Variants in ZNF410 observed in about 807,000 individuals in gnomAD.
ZNF410 encodes another partner for ARF 1.
ZNF410 carries 18 observed loss-of-function variants against 54.8 expected under a neutral mutation model. The ratio of observed to expected loss-of-function variants is 0.33; its 90% confidence interval spans 0.23 to 0.49. ZNF410 has a LOEUF of 0.49. Among genes scored for constraint, ZNF410 ranks in the 20% least tolerant of loss-of-function variants. The pLI, the probability that ZNF410 is intolerant of heterozygous loss-of-function variation, is 0.99. For synonymous variants in ZNF410, 191 were observed against 207.3 expected (o/e 0.92, Z 0.68); for missense variants, 405 against 569.6 (o/e 0.71, Z 2.94).
At chr14:73,924,703 G>C in intron 11 of ZNF410, 1 of 445,598 alleles carries the variant, frequency 2.2e-6, no homozygotes, top group Non-Finnish European at 4.5e-6. Context: ...TTGAGACAGA[G>C]TCTCGCTCCG....
intron 8 of ZNF410, among the ~76,000 whole-genome samples, chr14:73,911,633 AT>A (rs774198325): frequency 3.3e-5 from 5 of 151,762 alleles, no homozygotes; most frequent in Non-Finnish European, 5.9e-5. Context: ...AAGTAGAGAA[AT>A]TTTTTTTTAT....
At chr14:73,893,996 A>T in intron 3 of ZNF410, 64 bp downstream of exon 3, 1 of 1,536,992 alleles carries the variant, frequency 6.5e-7, no homozygotes, top group South Asian at 1.3e-5. Flanking sequence ...ACTCTATGTT[A>T]CTGGTGGAAT....
chr14:73,930,803 G>A (rs1487559197), intron 11 of ZNF410, among the ~76,000 whole-genome samples: 4 of 152,062 alleles, frequency 2.6e-5, no homozygotes, highest in Non-Finnish European at 5.9e-5. Flanking sequence ...GCCTCACTGT[G>A]TTGCCCAAGT....
intron 8 of ZNF410, among the ~76,000 whole-genome samples, chr14:73,912,169 C>CTTT (rs34162465): frequency 7.8e-6 from 1 of 128,580 alleles, no homozygotes; most frequent in Non-Finnish European, 1.6e-5. Context: ...CTTTCACTTT[C>CTTT]TTTTTTTTTT....
chr14:73,921,350 A>G (rs1239910424), intron 9 of ZNF410: 5 of 389,610 alleles, frequency 1.3e-5, no homozygotes. Flanking sequence ...GATAAATGAG[A>G]TAATTTGCAA....
intron 7 of ZNF410, chr14:73,906,319 TA>T (rs1458253040): frequency 6.6e-6 from 1 of 151,210 alleles, no homozygotes; most frequent in Non-Finnish European, 1.5e-5. Context: ...TTTTTTTTTT[TA>T]ATTAGTCAAA....
intron 1 of ZNF410, among the ~76,000 whole-genome samples, chr14:73,889,534 T>C (rs947364668): frequency 4.6e-5 from 7 of 151,456 alleles, no homozygotes; most frequent in Non-Finnish European, 2.9e-5. Flanking sequence ...CCTAGAGAGA[T>C]GTAATCACTA....
chr14:73,887,109 C>T (rs2055152714), intron 1 of ZNF410, 194 bp downstream of exon 1: 1 of 152,870 alleles, frequency 6.5e-6, no homozygotes, highest in African/African-American at 2.4e-5. Context: ...GGCCCTTCCC[C>T]TCGCGGGTTT....
At chr14:73,888,787 G>A (rs933001428) in intron 1 of ZNF410, among the ~76,000 whole-genome samples, 3 of 152,146 alleles carry the variant, frequency 2.0e-5, no homozygotes, top group Admixed American at 2.0e-4. Context: ...GATCCCCACA[G>A]TACACTTGAT....
intron 11 of ZNF410, among the ~76,000 whole-genome samples, chr14:73,926,247 T>C (rs8013123): frequency 0.6 from 91,696 of 151,976 alleles, 28,574 homozygotes; most frequent in South Asian, 0.72. Flanking sequence ...TTTATTGTAT[T>C]CTCTAATAGT....
At chr14:73,929,813 T>TAA (rs376052758) in intron 11 of ZNF410, among the ~76,000 whole-genome samples, 4 of 145,112 alleles carry the variant, frequency 2.8e-5, no homozygotes, top group African/African-American at 1.0e-4. Context: ...CCAAACTCTT[T>TAA]AAAAAAAAAA....
intron 1 of ZNF410, among the ~76,000 whole-genome samples, chr14:73,889,892 G>A (rs1379124562): frequency 1.3e-5 from 2 of 150,818 alleles, no homozygotes; most frequent in Admixed American, 1.3e-4. Context: ...CATCTCCTAG[G>A]TCCAAGCGAT....
chr14:73,917,273 T>G (rs2055681649), intron 8 of ZNF410, among the ~76,000 whole-genome samples: 1 of 152,218 alleles, frequency 6.6e-6, no homozygotes, highest in Non-Finnish European at 1.5e-5. Context: ...AATAATACTA[T>G]GTTTAAATAC....
chr14:73,909,513 T>G, intron 8 of ZNF410, 83 bp downstream of exon 8: 1 of 1,134,234 alleles, frequency 8.8e-7, no homozygotes, highest in East Asian at 2.4e-5. Context: ...TAAAGACAAC[T>G]AAAAAGAAAC....
At chr14:73,894,718 C>T (rs1257804577) in intron 3 of ZNF410, among the ~76,000 whole-genome samples, 5 of 152,118 alleles carry the variant, frequency 3.3e-5, no homozygotes, top group Non-Finnish European at 5.9e-5. Context: ...TGAGCCACTG[C>T]GCCAGGCCTA....
At chr14:73,912,174 T>C (rs200457163) in intron 8 of ZNF410, among the ~76,000 whole-genome samples, 22,906 of 147,246 alleles carry the variant, frequency 0.16, 2,500 homozygotes, top group East Asian at 0.48. Flanking sequence ...ACTTTCTTTT[T>C]TTTTTTTTTT....
intron 5 of ZNF410, among the ~76,000 whole-genome samples, chr14:73,903,221 C>T (rs956020663): frequency 2.0e-5 from 3 of 152,220 alleles, no homozygotes; most frequent in South Asian, 2.1e-4. Context: ...CTCCGCCTCC[C>T]GGACACAAGC....
At chr14:73,928,542 T>C (rs1314712434) in intron 11 of ZNF410, among the ~76,000 whole-genome samples, 1 of 152,200 alleles carries the variant, frequency 6.6e-6, no homozygotes, top group East Asian at 1.9e-4. Context: ...ATAGTACATT[T>C]GTTCCCTAGA....
chr14:73,912,235 T>A (rs2055591927), intron 8 of ZNF410, among the ~76,000 whole-genome samples: 1 of 151,290 alleles, frequency 6.6e-6, no homozygotes, highest in South Asian at 2.1e-4. Flanking sequence ...AGTGGCGTGA[T>A]CTTGGCTCAC....
Sources: gnomAD v4.1 joint callset for allele counts (sites outside exome capture counted in the v4.1 genomes callset) on GRCh38, gnomAD v4.1.1 for gene constraint, MANE v1.5 for transcripts, NCBI Gene and HGNC (gene_info 2026-07-23, HGNC 2026-07-21) for gene names.